The following AIG1 variants were observed in gnomAD, a reference collection of about 807,000 sequenced individuals.
The protein encoded by AIG1 is androgen induced 1, also known as androgen-induced gene 1 protein.
AIG1 carries 23 observed loss-of-function variants against 31.4 expected under a neutral mutation model. That is an observed-to-expected ratio of 0.73 (90% CI 0.53 to 1.04). The LOEUF is 1.04. Ranked by LOEUF, AIG1 falls within the 50% of genes least tolerant of loss-of-function variation. The pLI is 0.00. For missense variants in AIG1, 274 were observed against 295.0 expected, an observed-to-expected ratio of 0.93 and a Z score of 0.52; for synonymous variants, 100 against 110.5, an observed-to-expected ratio of 0.90 and a Z score of 0.60.
rs115740407 is a variant in AIG1 at position 143,096,874 on chromosome 6, G to A, written c.141+35808G>A. The stretch of plus-strand genomic sequence containing the variant: ...TTGATACTGTAATACAATTGCAATT[G>A]CCTTATTCCTACTTTACATTTTTAT... On this transcript the variant is annotated intron_variant, in intron 1 of 5. Coordinates refer to ENST00000357847, the MANE Select transcript of AIG1 (RefSeq NM_016108.4). Among the ~76,000 whole-genome samples the A allele has an allele frequency of 9.1e-4, 138 of 152,204 alleles. 1 individual carries two copies. The highest frequency in any genetic ancestry group is 3.3e-3 in the African/African-American group (135 of 41,538).
rs543210644 is a variant in AIG1 at position 143,307,929 on chromosome 6, C to G, written c.515+23704C>G. ...GCAATGGCGGGCGCCCCTCCCCCAG[C>G]CTCGCTGCCGCCTTGCAGTTTGATC... On this transcript the variant is annotated intron_variant, in intron 4 of 5. Coordinates refer to ENST00000357847, the MANE Select transcript of AIG1 (RefSeq NM_016108.4). 1.5e-3 allele frequency among the ~76,000 whole-genome samples: 235 copies of G among 152,382 alleles called. 2 individuals carry two copies. Among genetic ancestry groups the G allele is most frequent in the African/African-American group, 5.3e-3 (220 of 41,594 alleles).
At position 143,185,219 on chromosome 6, in the gene AIG1, C is replaced by T. The variant is rs980554540; in HGVS notation, c.399+20036C>T. ...CAAAAAAAAAAAAAAAATTCAATCT[C>T]ATATATTTTTCATGACCCTTTGATT... On this transcript the variant is annotated intron_variant, in intron 3 of 5. Transcript: ENST00000357847. Among the ~76,000 whole-genome samples the T allele has an allele frequency of 4.2e-4, 63 of 151,410 alleles. 1 individual carries two copies. Among genetic ancestry groups the T allele is most frequent in the African/African-American group, 1.5e-3 (63 of 41,120 alleles).
At chr6:143,139,955 T>A (rs1784110520) in intron 2 of AIG1, among the ~76,000 whole-genome samples, 2 of 152,220 alleles carry the variant, frequency 1.3e-5, no homozygotes, top group Non-Finnish European at 2.9e-5. Flanking sequence ...TTACAAGTAT[T>A]TGTATTTGTC....
chr6:143,246,481 C>G (rs1180798275), intron 3 of AIG1, among the ~76,000 whole-genome samples: 1 of 152,102 alleles, frequency 6.6e-6, no homozygotes, highest in African/African-American at 2.4e-5. Flanking sequence ...AAAGACCTGC[C>G]CCCATGATTC....
At chr6:143,224,535 A>T (rs940687622) in intron 3 of AIG1, among the ~76,000 whole-genome samples, 20 of 152,194 alleles carry the variant, frequency 1.3e-4, no homozygotes, top group African/African-American at 4.6e-4. Context: ...TGGTTGTGTA[A>T]TGTATTATCC....
chr6:143,330,283 GA>G lies in AIG1; in HGVS notation c.516-2996del, dbSNP rs1010234659. Among the ~76,000 whole-genome samples, 2 of 152,146 alleles carry G rather than the reference GA, an allele frequency of 1.3e-5. No individual in the cohort carries two copies. Among genetic ancestry groups the G allele is most frequent in the African/African-American group, 4.8e-5 (2 of 41,434 alleles). On this transcript the variant is annotated intron_variant, in intron 4 of 5. Transcript: ENST00000357847. This position sits in a 1 kb window ranked among gnomAD's most constrained non-coding sequence, Gnocchi z 4.4. ...TTGGCTGGGAGAAAAAATAAAGGATGAAAGAATAGAGAGTTTGAGGGTAGAG... is the reference window on the plus strand; with the variant it reads ...TTGGCTGGGAGAAAAAATAAAGGATGAAGAATAGAGAGTTTGAGGGTAGAG...
At chr6:143,145,291 T>A (rs529096630) in intron 2 of AIG1, among the ~76,000 whole-genome samples, 144 of 152,344 alleles carry the variant, frequency 9.5e-4, no homozygotes, top group African/African-American at 3.4e-3. Context: ...CCCAAAGTGC[T>A]GGGATTCTAA....
chr6:143,162,866 A>C (rs1226834502), intron 2 of AIG1, among the ~76,000 whole-genome samples: 2 of 152,182 alleles, frequency 1.3e-5, no homozygotes, highest in African/African-American at 4.8e-5. Flanking sequence ...CCAGGCTCAC[A>C]GTTACTCCAG....
chr6:143,091,691 G>A (rs1779319320), intron 1 of AIG1, among the ~76,000 whole-genome samples: 1 of 152,090 alleles, frequency 6.6e-6, no homozygotes, highest in South Asian at 2.1e-4. Flanking sequence ...TATAGAAATG[G>A]CTCTGCGAAA....
chr6:143,192,196 A>G (rs1294290643), intron 3 of AIG1, among the ~76,000 whole-genome samples: 1 of 152,254 alleles, frequency 6.6e-6, no homozygotes, highest in Non-Finnish European at 1.5e-5. Context: ...CATCTGTCAG[A>G]GAAGCAGCAG....
chr6:143,175,120 A>G (rs1219862402), intron 3 of AIG1, among the ~76,000 whole-genome samples: 4 of 152,214 alleles, frequency 2.6e-5, no homozygotes, highest in Admixed American at 6.5e-5. Flanking sequence ...TAAGGAGGCT[A>G]AAGATAGGAC....
At chr6:143,127,009 A>G (rs1177591517) in intron 1 of AIG1, among the ~76,000 whole-genome samples, 1 of 152,186 alleles carries the variant, frequency 6.6e-6, no homozygotes, top group Non-Finnish European at 1.5e-5. Flanking sequence ...AGGGAGATCT[A>G]CAGAGTAATA....
chr6:143,258,136 C>A lies in AIG1; in HGVS notation c.400-25974C>A, dbSNP rs1170310526. 6.6e-6 allele frequency among the ~76,000 whole-genome samples: 1 copy of A among 152,152 alleles called. No individual in the cohort carries two copies. The highest frequency in any genetic ancestry group is 1.5e-5 in the Non-Finnish European group (1 of 68,028). ...ATCTAGGTATCCCTACTGACAAAGG[C>A]CGGACATTTCTCACTAGAATTAACC... On this transcript the variant is annotated intron_variant, in intron 3 of 5. Transcript: ENST00000357847. This position sits in a 1 kb window ranked among gnomAD's most constrained non-coding sequence, Gnocchi z 4.7.
intron 4 of AIG1, among the ~76,000 whole-genome samples, chr6:143,286,853 A>G (rs57732613): frequency 0.14 from 21,209 of 151,368 alleles, 1,689 homozygotes; most frequent in East Asian, 0.37. Context: ...ATCTGAATCT[A>G]TTCTCTTCCC....
intron 2 of AIG1, among the ~76,000 whole-genome samples, chr6:143,142,098 C>G (rs904702418): frequency 7.9e-5 from 12 of 152,100 alleles, no homozygotes; most frequent in African/African-American, 2.9e-4. Context: ...TTTATAGAGG[C>G]AGGGTTTCGC....
chr6:143,163,015 T>C (rs566850485), intron 2 of AIG1, among the ~76,000 whole-genome samples: 7 of 152,260 alleles, frequency 4.6e-5, no homozygotes, highest in African/African-American at 1.7e-4. Context: ...CAAACTTATA[T>C]GTGCATAAGA....
intron 3 of AIG1, among the ~76,000 whole-genome samples, chr6:143,244,351 G>A (rs1794462873): frequency 6.6e-6 from 1 of 152,158 alleles, no homozygotes; most frequent in Non-Finnish European, 1.5e-5. Flanking sequence ...AATAGCAAGA[G>A]GTTGGGGGGC....
At chr6:143,224,966 C>T (rs1477658057) in intron 3 of AIG1, among the ~76,000 whole-genome samples, 1 of 152,164 alleles carries the variant, frequency 6.6e-6, no homozygotes, top group East Asian at 1.9e-4. Flanking sequence ...TGCCCATTGC[C>T]CGCTTAATAA....
chr6:143,171,495 AATATATAT>A (rs1562454427), intron 3 of AIG1, among the ~76,000 whole-genome samples: 8 of 121,952 alleles, frequency 6.6e-5, no homozygotes, highest in African/African-American at 2.7e-4. Context: ...TTAAATATAT[AATATATAT>A]TTAATATATA....
Sources: allele counts gnomAD v4.1 joint callset (sites outside exome capture counted in the v4.1 genomes callset), GRCh38; gene constraint gnomAD v4.1.1; non-coding constraint Gnocchi (gnomAD v3.1); transcripts MANE v1.5; gene names NCBI Gene and HGNC (gene_info 2026-07-23, HGNC 2026-07-21).